Variants in COL4A1 observed in about 807,000 individuals in gnomAD.
The protein encoded by COL4A1 is collagen type IV alpha 1 chain.
In COL4A1, 40 loss-of-function variants were observed where a neutral mutation model predicts 216.6. The observed-to-expected ratio is 0.18, with a 90% CI of 0.14 to 0.24. The LOEUF is 0.24. Ranked by LOEUF, COL4A1 falls within the 10% of genes least tolerant of loss-of-function variation. The pLI, the probability that COL4A1 is intolerant of heterozygous loss-of-function variation, is 1.00. For missense variants in COL4A1, 1,628 were observed against 2,196.8 expected (o/e 0.74, Z 5.18); for synonymous variants, 839 against 810.7 (o/e 1.03, Z -0.59).
At chr13:110,201,952 G>A (rs1031352106) in intron 18 of COL4A1, among the ~76,000 whole-genome samples, 48 of 152,102 alleles carry the variant, frequency 3.2e-4, no homozygotes, top group African/African-American at 1.0e-3. Context: ...ACTGCACTCC[G>A]GCCTGGGTGA....
intron 26 of COL4A1, among the ~76,000 whole-genome samples, chr13:110,185,130 G>A (rs1878342100): frequency 6.6e-6 from 1 of 152,206 alleles, no homozygotes; most frequent in East Asian, 1.9e-4. Context: ...CAAATATCCA[G>A]CTACTTTATT....
At chr13:110,179,502 T>G (rs1479279737) in intron 29 of COL4A1, 81 bp from the exon 30 acceptor site, 2 of 1,595,156 alleles carry the variant, frequency 1.3e-6, no homozygotes, top group East Asian at 4.5e-5. Flanking sequence ...AAGTGAAGAC[T>G]TAACAGATAC....
intron 46 of COL4A1, among the ~76,000 whole-genome samples, chr13:110,163,923 A>C (rs958127067): frequency 3.3e-5 from 5 of 151,546 alleles, no homozygotes; most frequent in Admixed American, 6.6e-5. Flanking sequence ...AGATATACCA[A>C]CATGGATAGT....
At position 110,211,156 on chromosome 13, in the gene COL4A1, C is replaced by G. The variant is rs577053517; in HGVS notation, c.468+491G>C. Among the ~76,000 whole-genome samples the G allele has an allele frequency of 1.2e-3, 183 of 152,312 alleles. No individual in the cohort carries two copies. The highest frequency in any genetic ancestry group is 5.6e-3 in the East Asian group (29 of 5,178). On this transcript the variant is annotated intron_variant, in intron 8 of 51. Transcript: ENST00000375820. This position sits in a 1 kb window ranked among gnomAD's most constrained non-coding sequence, Gnocchi z 4.3. ...TGCAGCTGCTGAGACCTGTAAGCCT[C>G]CCTTTGACAAGGCTGATCCCAACAT...
Position 110,174,460 on chromosome 13 carries a change from A to G in COL4A1, c.3392T>C (p.Val1131Ala), listed in dbSNP as rs755183916. 1.9e-6 allele frequency: 3 copies of G among 1,613,970 alleles called. No homozygotes were observed. In the South Asian group the frequency reaches 3.3e-5, roughly 18 times the overall value. ...GLPGLDGIPG[V>A]KGEAGLPGTP... ...GGGCCCTCTACCTGCTTCTCCTTTG[A>G]CACCAGGGATGCCATCCAATCCTGG... The change falls in exon 39 of 52, where the codon GTC becomes GCC. Residue 1131 changes from valine (V) to alanine (A), a missense_variant. Coordinates refer to ENST00000375820, the MANE Select transcript of COL4A1 (RefSeq NM_001845.6).
intron 15 of COL4A1, among the ~76,000 whole-genome samples, chr13:110,205,993 C>T (rs1335291287): frequency 2.6e-5 from 4 of 151,960 alleles, no homozygotes; most frequent in Admixed American, 6.6e-5. Flanking sequence ...GTTGACAATA[C>T]CACAATAATA....
At position 110,211,238 on chromosome 13, in the gene COL4A1, G is replaced by A. The variant is rs538272667; in HGVS notation, c.468+409C>T. Among the ~76,000 whole-genome samples the A allele has an allele frequency of 6.6e-6, 1 of 152,250 alleles. No homozygotes were observed. Among genetic ancestry groups the A allele is most frequent in the South Asian group, 2.1e-4 (1 of 4,828 alleles). On this transcript the variant is annotated intron_variant, in intron 8 of 51. Coordinates refer to ENST00000375820, the MANE Select transcript of COL4A1 (RefSeq NM_001845.6). This position sits in a 1 kb window ranked among gnomAD's most constrained non-coding sequence, Gnocchi z 4.3. ...AGCACAGCCGACACATTACATGACT[G>A]CACAGTCTGAGGTCGGGCTGATGCC...
chr13:110,258,801 A>G (rs1882687165), intron 1 of COL4A1, among the ~76,000 whole-genome samples: 2 of 152,352 alleles, frequency 1.3e-5, no homozygotes, highest in Admixed American at 1.3e-4. Flanking sequence ...TTCCCACAAT[A>G]TATATATTTT....
chr13:110,231,123 ACAGT>A (rs1881039216), intron 2 of COL4A1, among the ~76,000 whole-genome samples: 1 of 152,216 alleles, frequency 6.6e-6, no homozygotes, highest in African/African-American at 2.4e-5. Flanking sequence ...TGGTGAGGAG[ACAGT>A]CAGTGTGGGA....
chr13:110,156,501 A>T lies in COL4A1; in HGVS notation c.4641-1104T>A, dbSNP rs147981999. ...ATGTCCAAGGTCCAAGGCTGTCAGC[A>T]TCCACTGCCGCTGAAGTGACCTCCA... On this transcript the variant is annotated intron_variant, in intron 49 of 51. Transcript: ENST00000375820. 8.0e-4 allele frequency among the ~76,000 whole-genome samples: 122 copies of T among 152,308 alleles called. 1 individual carries two copies. The highest frequency in any genetic ancestry group is 1.3e-3 in the Admixed American group (20 of 15,304).
At chr13:110,247,773 C>T (rs1881885857) in intron 1 of COL4A1, among the ~76,000 whole-genome samples, 2 of 134,342 alleles carry the variant, frequency 1.5e-5, no homozygotes, top group Admixed American at 8.6e-5. Context: ...CCGAAGAATA[C>T]CAGCTGCTAT....
rs537785215 is a variant in COL4A1 at position 110,242,694 on chromosome 13, T to C, written c.125A>G (p.His42Arg). The stretch of plus-strand genomic sequence containing the variant: ...ACTCACCTTTTGTCCCTTCACTCCA[T>C]GGCAGTCACATTTGCCACAGCCAGA... ...AGSGCGKCDCHGVKGQKGERG... is the reference protein window; with the variant it reads ...AGSGCGKCDCRGVKGQKGERG... Residue 42 changes from histidine to arginine, a missense_variant, in exon 2 of 52, where the codon CAT becomes CGT. Physicochemically the swap from His to Arg is conservative, Grantham distance 29. Around this residue, in one of 8 missense-constraint regions of COL4A1, gnomAD observed 74 missense variants for 61.7 expected, o/e 1.20. Transcript: ENST00000375820. 3.2e-5 allele frequency: 51 copies of C among 1,614,222 alleles called. No individual in the cohort carries two copies. Among genetic ancestry groups the C allele is most frequent in the East Asian group, 3.1e-4 (14 of 44,888 alleles).
intron 1 of COL4A1, among the ~76,000 whole-genome samples, chr13:110,301,382 G>C (rs1434446276): frequency 1.3e-5 from 2 of 152,206 alleles, no homozygotes; most frequent in South Asian, 4.1e-4. Flanking sequence ...GGCAAGTGTT[G>C]GAACCAAGAC....
At chr13:110,190,467 C>T (rs1878579835) in intron 24 of COL4A1, among the ~76,000 whole-genome samples, 1 of 152,218 alleles carries the variant, frequency 6.6e-6, no homozygotes, top group African/African-American at 2.4e-5. Flanking sequence ...TGGGCATCAT[C>T]AATCCGCTCG....
chr13:110,206,589 G>A, intron 15 of COL4A1, 76 bp downstream of exon 15: 8 of 1,505,146 alleles, frequency 5.3e-6, no homozygotes, highest in Non-Finnish European at 7.4e-6. Flanking sequence ...TTCTGTTCTT[G>A]TGTTTCTGTG....
intron 1 of COL4A1, among the ~76,000 whole-genome samples, chr13:110,299,955 T>C (rs1032668440): frequency 6.6e-6 from 1 of 152,222 alleles, no homozygotes; most frequent in South Asian, 2.1e-4. Context: ...TCTTGGATGA[T>C]ATGAAAATAA....
rs756038842 is a variant in COL4A1, at chr13:110,150,453, C to T, written c.4929-9G>A. On this transcript the variant is annotated splice_polypyrimidine_tract_variant and intron_variant, in intron 51 of 51. Coordinates refer to ENST00000375820, the MANE Select transcript of COL4A1 (RefSeq NM_001845.6). Reference sequence around the variant, plus strand: ...TGGACGGCGTAGGCTTCCTAAAACACGACACAGAGACAGACCATTGGCCAT... The same window carrying T: ...TGGACGGCGTAGGCTTCCTAAAACATGACACAGAGACAGACCATTGGCCAT... 2.4e-5 allele frequency: 39 copies of T among 1,613,536 alleles called. No individual in the cohort carries two copies. The highest frequency in any genetic ancestry group is 6.7e-5 in the Admixed American group (4 of 59,994).
chr13:110,234,078 A>T (rs1881189671), intron 2 of COL4A1, among the ~76,000 whole-genome samples: 1 of 152,196 alleles, frequency 6.6e-6, no homozygotes, highest in South Asian at 2.1e-4. Flanking sequence ...ATATGTCCCT[A>T]CATGTGACAT....
rs1212225318 is a variant in COL4A1, at chr13:110,170,544, T to C, written c.3742+3A>G. 2 of 1,597,778 alleles carry C rather than the reference T, an allele frequency of 1.3e-6. No homozygotes were observed. Among genetic ancestry groups the C allele is most frequent in the Admixed American group, 1.7e-5 (1 of 57,842 alleles). On this transcript the variant is annotated splice_donor_region_variant and intron_variant, in intron 42 of 51. Transcript: ENST00000375820. ...GCCCTGGCCCCTGGCGAGATGCCCT[T>C]ACCTGGCAGGCCAGGCTGGCCCTGA...
Sources: gnomAD v4.1 joint callset for allele counts (sites outside exome capture counted in the v4.1 genomes callset) on GRCh38, gnomAD v4.1.1 for gene constraint, gnomAD v4.1.1 regional missense constraint, Gnocchi (gnomAD v3.1) non-coding constraint, MANE v1.5 for transcripts, NCBI Gene and HGNC (gene_info 2026-07-23, HGNC 2026-07-21) for gene names.